The following STAMBPL1 variants were observed in gnomAD, a reference collection of about 807,000 sequenced individuals.
STAMBPL1 encodes the protein STAM binding protein like 1, also known as AMSH-like protease.
In STAMBPL1, 44 loss-of-function variants were observed where a neutral mutation model predicts 52.9. That is an observed-to-expected ratio of 0.83 (90% CI 0.65 to 1.07). The LOEUF (loss-of-function observed/expected upper bound fraction) is 1.07, where lower values mean the gene tolerates loss of function less well. Ranked by LOEUF, STAMBPL1 falls within the 50% of genes least tolerant of loss-of-function variation. STAMBPL1 has a pLI of 0.00. For synonymous variants in STAMBPL1, 164 were observed against 177.3 expected (o/e 0.92, Z 0.60); for missense variants, 511 against 520.8 (o/e 0.98, Z 0.18).
chr10:88,884,798 A>T (rs988310051), intron 1 of STAMBPL1, among the ~76,000 whole-genome samples: 1 of 152,218 alleles, frequency 6.6e-6, no homozygotes, highest in African/African-American at 2.4e-5. Flanking sequence ...ACACAAGTTT[A>T]TCTCAATGAT....
At chr10:88,909,545 A>G (rs796136898) in intron 4 of STAMBPL1, among the ~76,000 whole-genome samples, 140 of 152,328 alleles carry the variant, frequency 9.2e-4, no homozygotes, top group African/African-American at 3.3e-3. Flanking sequence ...GAGTATTTTC[A>G]GACCTGAGGA....
rs750651436 is a variant in STAMBPL1, at chr10:88,905,558, G to A, written c.146G>A (p.Arg49Gln). The A allele has an allele frequency of 1.1e-5, 18 of 1,613,970 alleles. No homozygotes were observed. Among genetic ancestry groups the A allele is most frequent in the East Asian group, 2.2e-5 (1 of 44,888 alleles). ...ACCATCAGTGAAGACATCACTCCAC[G>A]ACGTTACTTTAGGTCTGGAGTAGAG... The part of the protein sequence containing the change: ...NITISEDITP[R>Q]RYFRSGVEME... The change falls in exon 3 of 11, where the codon CGA becomes CAA. Residue 49 changes from arginine to glutamine, a missense_variant. Arg to Gln is a conservative substitution (Grantham distance 43). Transcript: ENST00000371926.
At chr10:88,886,785 T>C (rs1460082422) in intron 1 of STAMBPL1, among the ~76,000 whole-genome samples, 1 of 152,206 alleles carries the variant, frequency 6.6e-6, no homozygotes, top group Non-Finnish European at 1.5e-5. Flanking sequence ...CAGGTGCAGG[T>C]TCCCCTTTAG....
At chr10:88,897,342 G>A (rs1324815873) in intron 1 of STAMBPL1, among the ~76,000 whole-genome samples, 1 of 152,114 alleles carries the variant, frequency 6.6e-6, no homozygotes, top group Non-Finnish European at 1.5e-5. Flanking sequence ...ATTCTTGTGA[G>A]TCGGATTAAC....
intron 1 of STAMBPL1, among the ~76,000 whole-genome samples, chr10:88,892,512 T>G (rs1312615828): frequency 6.6e-6 from 1 of 152,178 alleles, no homozygotes. Flanking sequence ...GGATGAATGG[T>G]GAGCAAATTT....
Position 88,897,267 on chromosome 10 carries a change from G to A in STAMBPL1, c.-53-4389G>A, listed in dbSNP as rs192003100. 4.9e-3 allele frequency among the ~76,000 whole-genome samples: 748 copies of A among 152,232 alleles called. 5 individuals carry two copies. Among genetic ancestry groups the A allele is most frequent in the Non-Finnish European group, 7.7e-3 (524 of 68,016 alleles). ...GAGCTACTTGTTAGCTGAATCTCTG[G>A]GACAGGGGTTGGCCTCCATGTGCTC... On this transcript the variant is annotated intron_variant, in intron 1 of 10. Transcript: ENST00000371926.
rs113628109 is a variant in STAMBPL1, at chr10:88,922,271, A to G, written c.1155-66A>G. The G allele has an allele frequency of 3.6e-5, 52 of 1,464,034 alleles. 1 individual carries two copies. Among genetic ancestry groups the G allele is most frequent in the African/African-American group, 1.4e-4 (10 of 72,012 alleles). The allele number at this position is 1,464,034 out of a possible 1,614,324, so 90.7% of individuals were successfully genotyped here. A position where few individuals can be genotyped will look rare whatever the true frequency, so the allele number is the denominator to read the frequency against. ...GGAATATGTATGTGTGTGCTGTTCA[A>G]ATAAAGCATCTGGAATGCCCAAATG... On this transcript the variant is annotated intron_variant, in intron 9 of 10. Coordinates refer to ENST00000371926, the MANE Select transcript of STAMBPL1 (RefSeq NM_020799.4).
At chr10:88,912,496 TATC>T (rs1289291216) in intron 5 of STAMBPL1, 2 of 152,326 alleles carry the variant, frequency 1.3e-5, no homozygotes. Flanking sequence ...GATTCCTTCT[TATC>T]CATAAATTTC....
intron 2 of STAMBPL1, among the ~76,000 whole-genome samples, chr10:88,902,669 C>G (rs1038022026): frequency 6.6e-6 from 1 of 152,104 alleles, no homozygotes; most frequent in Non-Finnish European, 1.5e-5. Context: ...CTCCCAGGTT[C>G]ATGCCATTCT....
intron 4 of STAMBPL1, 40 bp from the exon 5 acceptor site, chr10:88,910,876 G>A: frequency 7.0e-7 from 1 of 1,422,616 alleles, no homozygotes; most frequent in Non-Finnish European, 9.5e-7. Flanking sequence ...AGAGTGTATT[G>A]AAAATCCCAC....
At chr10:88,895,379 T>A (rs1355712627) in intron 1 of STAMBPL1, among the ~76,000 whole-genome samples, 2 of 152,212 alleles carry the variant, frequency 1.3e-5, no homozygotes, top group African/African-American at 4.8e-5. Flanking sequence ...CTAGTGGGAC[T>A]GGGCCCTGCT....
In STAMBPL1 at chr10:88,885,410, G is replaced by C. The variant is rs1399320011; in HGVS notation, c.-54+4772G>C. Among the ~76,000 whole-genome samples the C allele has an allele frequency of 2.0e-5, 3 of 152,174 alleles. No homozygotes were observed. In the East Asian group the frequency reaches 5.8e-4, roughly 29 times the overall value. ...TTTATTAAGTTCTTTATTAAGAAGT[G>C]CTCCAATTTGTGTTTTCATATATGC... On this transcript the variant is annotated intron_variant, in intron 1 of 10. Transcript: ENST00000371926.
chr10:88,919,812 A>G (rs554823527), intron 8 of STAMBPL1, among the ~76,000 whole-genome samples: 1 of 150,084 alleles, frequency 6.7e-6, no homozygotes, highest in Non-Finnish European at 1.5e-5. Context: ...CCTTCATTCT[A>G]TTAAAGCCGA....
At chr10:88,905,868 G>A (rs1034832218) in intron 3 of STAMBPL1, among the ~76,000 whole-genome samples, 2 of 152,174 alleles carry the variant, frequency 1.3e-5, no homozygotes, top group Non-Finnish European at 2.9e-5. Flanking sequence ...GTCAGGGAGG[G>A]CAGGAGGCTC....
At chr10:88,883,756 A>C (rs1844463030) in intron 1 of STAMBPL1, among the ~76,000 whole-genome samples, 2 of 152,220 alleles carry the variant, frequency 1.3e-5, no homozygotes, top group Non-Finnish European at 2.9e-5. Flanking sequence ...GTGGTTGCTT[A>C]GTAACTTGTG....
At chr10:88,882,576 G>A (rs1200497705) in intron 1 of STAMBPL1, 3 of 152,218 alleles carry the variant, frequency 2.0e-5, no homozygotes, top group African/African-American at 7.2e-5. Flanking sequence ...AGGAATGTGA[G>A]AGAAAATAAT....
intron 1 of STAMBPL1, among the ~76,000 whole-genome samples, chr10:88,895,254 A>G (rs1194694557): frequency 6.6e-6 from 1 of 152,188 alleles, no homozygotes; most frequent in African/African-American, 2.4e-5. Context: ...TAGAGATGAA[A>G]ATTTCTCACA....
At position 88,911,025 on chromosome 10, in the gene STAMBPL1, G is replaced by A; in HGVS notation, c.420+14G>A. On this transcript the variant is annotated intron_variant, in intron 5 of 10. Coordinates refer to ENST00000371926, the MANE Select transcript of STAMBPL1 (RefSeq NM_020799.4). ...TTGCAAAGCAAAGTAAGTTCAGTTG[G>A]TACATTTATTTCATGACTATTTTAT... The A allele has an allele frequency of 6.7e-7, 1 of 1,486,272 alleles. No individual in the cohort carries two copies. Among genetic ancestry groups the A allele is most frequent in the Non-Finnish European group, 9.1e-7 (1 of 1,096,046 alleles). The allele number at this position is 1,486,272 out of a possible 1,614,324, so 92.1% of individuals were successfully genotyped here.
intron 8 of STAMBPL1, among the ~76,000 whole-genome samples, chr10:88,917,333 C>T (rs751365152): frequency 1.3e-5 from 2 of 152,080 alleles, no homozygotes; most frequent in Non-Finnish European, 2.9e-5. Context: ...GACAGGCAAA[C>T]GATGTATGGG....
Sources: allele counts gnomAD v4.1 joint callset (sites outside exome capture counted in the v4.1 genomes callset), GRCh38; gene constraint gnomAD v4.1.1; transcripts MANE v1.5; gene names NCBI Gene and HGNC (gene_info 2026-07-23, HGNC 2026-07-21).